Variants in SERPINB7 observed in about 807,000 individuals in gnomAD.
SERPINB7 encodes serpin family B member 7.
Under a neutral mutation model 37.4 loss-of-function variants are expected in SERPINB7, and 31 were observed. The observed-to-expected ratio is 0.83, with a 90% CI of 0.62 to 1.12. SERPINB7 has a LOEUF of 1.12. SERPINB7 is among the 50% of genes most tolerant of loss of function. The probability of loss-of-function intolerance (pLI) is 0.00; values close to 1 mark genes in which losing one functional copy is unlikely to be tolerated. For missense variants in SERPINB7, 521 were observed against 455.3 expected (o/e 1.14, Z -1.31); for synonymous variants, 163 against 166.1 (o/e 0.98, Z 0.14).
chr18:63,764,676 G>A (rs2049171452), intron 1 of SERPINB7, among the ~76,000 whole-genome samples: 1 of 152,160 alleles, frequency 6.6e-6, no homozygotes, highest in South Asian at 2.1e-4. Context: ...TATGAATGGA[G>A]CAGAGTGTAA....
intron 1 of SERPINB7, among the ~76,000 whole-genome samples, chr18:63,754,613 T>C (rs1408307024): frequency 6.6e-6 from 1 of 152,094 alleles, no homozygotes; most frequent in Non-Finnish European, 1.5e-5. Flanking sequence ...GACACGCAGG[T>C]ATCAGTCCCT....
At chr18:63,757,207 A>G (rs532091228) in intron 1 of SERPINB7, among the ~76,000 whole-genome samples, 5 of 152,304 alleles carry the variant, frequency 3.3e-5, no homozygotes, top group African/African-American at 1.2e-4. Context: ...ATCAGCCACA[A>G]AATGAAAATT....
intron 2 of SERPINB7, among the ~76,000 whole-genome samples, chr18:63,791,744 G>A (rs886122365): frequency 5.9e-5 from 9 of 151,822 alleles, no homozygotes; most frequent in Admixed American, 3.9e-4. Flanking sequence ...CCGAGTAGCT[G>A]GGACTATAGG....
At chr18:63,770,459 T>C (rs895169314), upstream of SERPINB7, among the ~76,000 whole-genome samples, 5 of 151,970 alleles carry the variant, frequency 3.3e-5, no homozygotes, top group African/African-American at 1.2e-4. Flanking sequence ...GGAAAGAATA[T>C]GGTGGAGTGT....
chr18:63,764,834 T>A (rs2049172278), intron 1 of SERPINB7, among the ~76,000 whole-genome samples: 1 of 152,050 alleles, frequency 6.6e-6, no homozygotes, highest in Non-Finnish European at 1.5e-5. Context: ...TCACCTCATA[T>A]CTAAAGACTA....
intron 7 of SERPINB7, among the ~76,000 whole-genome samples, chr18:63,802,738 A>G (rs2049563291): frequency 6.6e-6 from 1 of 152,224 alleles, no homozygotes; most frequent in African/African-American, 2.4e-5. Context: ...AAAGAAACAG[A>G]CATGCCTACC....
chr18:63,783,190 G>A (rs146602326), intron 2 of SERPINB7, among the ~76,000 whole-genome samples: 809 of 61,044 alleles, frequency 0.013, 6 homozygotes, highest in African/African-American at 0.028. Context: ...GAAAGAAAGA[G>A]AGAGAGAGAG....
intron 1 of SERPINB7, among the ~76,000 whole-genome samples, chr18:63,759,095 T>A (rs2049138092): frequency 1.3e-5 from 2 of 152,256 alleles, no homozygotes; most frequent in Admixed American, 1.3e-4. Context: ...GCTCCTGCTA[T>A]GAGTAGGCTT....
intron 4 of SERPINB7, among the ~76,000 whole-genome samples, chr18:63,795,925 G>T (rs2049482925): frequency 1.3e-5 from 2 of 152,176 alleles, no homozygotes; most frequent in Admixed American, 6.5e-5. Context: ...CAGCAGGAAG[G>T]GATGACACAG....
At chr18:63,798,807 C>A in intron 6 of SERPINB7, 61 bp downstream of exon 6, 1 of 1,530,978 alleles carries the variant, frequency 6.5e-7, no homozygotes, top group Non-Finnish European at 9.0e-7. Flanking sequence ...CTTTGCAGGA[C>A]TGTGATAGTT....
chr18:63,779,738 T>C (rs1461222175), intron 1 of SERPINB7, among the ~76,000 whole-genome samples: 1 of 152,140 alleles, frequency 6.6e-6, no homozygotes, highest in East Asian at 1.9e-4. Context: ...TTCTCTTTTG[T>C]TCAATAAGAT....
chr18:63,753,850 C>T (rs963195953), intron 1 of SERPINB7, among the ~76,000 whole-genome samples: 1 of 152,152 alleles, frequency 6.6e-6, no homozygotes, highest in African/African-American at 2.4e-5. Flanking sequence ...AGAGGTTCTC[C>T]AACAAATCCC....
rs2049238081 is a variant in SERPINB7, at chr18:63,775,455, C to A, written c.-280C>A. 6.6e-6 allele frequency: 1 copy of A among 152,124 alleles called. No homozygotes were observed. The highest frequency in any genetic ancestry group is 1.9e-4 in the East Asian group (1 of 5,176). 9.4% of individuals were successfully genotyped at this position (152,124 alleles called of 1,614,324 possible). ...CTGCCTGTGCAGAGTGCAGGCTGCA[C>A]CTTTGGACAGCCTTTAAAACTGAAT... On this transcript the variant is annotated 5_prime_UTR_variant, in exon 1 of 8. Transcript: ENST00000398019.
At chr18:63,772,700 T>C (rs2049218121), upstream of SERPINB7, among the ~76,000 whole-genome samples, 1 of 152,136 alleles carries the variant, frequency 6.6e-6, no homozygotes, top group Admixed American at 6.5e-5. Flanking sequence ...ATGAATCTCA[T>C]AGAACTAAAA....
upstream of SERPINB7, among the ~76,000 whole-genome samples, chr18:63,773,932 G>A (rs887911908): frequency 2.0e-5 from 3 of 152,080 alleles, no homozygotes; most frequent in Admixed American, 2.0e-4. Context: ...TGTGTGTCAC[G>A]TGGGTCCCTT....
At chr18:63,776,441 T>G (rs2049249129) in intron 1 of SERPINB7, among the ~76,000 whole-genome samples, 1 of 151,910 alleles carries the variant, frequency 6.6e-6, no homozygotes, top group African/African-American at 2.4e-5. Context: ...GTGTGTATTC[T>G]TTCGTGCCTG....
intron 1 of SERPINB7, among the ~76,000 whole-genome samples, chr18:63,760,989 G>A (rs1258612227): frequency 6.6e-6 from 1 of 152,240 alleles, no homozygotes; most frequent in Non-Finnish European, 1.5e-5. Flanking sequence ...CTGCCTAGTG[G>A]GGCTGTGAGA....
At chr18:63,801,086 A>C in intron 7 of SERPINB7, 74 bp downstream of exon 7, 1 of 1,430,772 alleles carries the variant, frequency 7.0e-7, no homozygotes, top group Non-Finnish European at 9.6e-7. Flanking sequence ...TTTCACTGAT[A>C]AACTGTAAGA....
intron 6 of SERPINB7, among the ~76,000 whole-genome samples, chr18:63,798,956 G>A (rs539345602): frequency 6.6e-6 from 1 of 152,264 alleles, no homozygotes; most frequent in African/African-American, 2.4e-5. Flanking sequence ...AACGTGTCTT[G>A]TAAATTGGTA....
Sources: gnomAD v4.1 joint callset for allele counts (sites outside exome capture counted in the v4.1 genomes callset) on GRCh38, gnomAD v4.1.1 for gene constraint, MANE v1.5 for transcripts, NCBI Gene and HGNC (gene_info 2026-07-23, HGNC 2026-07-21) for gene names.